The following ZDHHC24 variants were observed in gnomAD, a reference collection of about 807,000 sequenced individuals.
ZDHHC24 encodes probable palmitoyltransferase ZDHHC24.
A neutral mutation model predicts 23.2 loss-of-function variants in ZDHHC24; 17 were observed. The observed-to-expected ratio is 0.73, with a 90% CI of 0.50 to 1.10. The LOEUF (loss-of-function observed/expected upper bound fraction) is 1.10, where lower values mean the gene tolerates loss of function less well. Among genes scored for constraint, ZDHHC24 ranks in the 50% least tolerant of loss-of-function variants. The pLI is 0.00. For synonymous variants in ZDHHC24, 186 were observed against 194.5 expected, an observed-to-expected ratio of 0.96 and a Z score of 0.36; for missense variants, 366 against 393.0, an observed-to-expected ratio of 0.93 and a Z score of 0.58.
At chr11:66,527,059 C>A in intron 3 of ZDHHC24, 1 of 1,520,446 alleles carries the variant, frequency 6.6e-7, no homozygotes, top group Non-Finnish European at 8.8e-7. Flanking sequence ...CAGTCACTTC[C>A]AAACGCAGGA....
rs1456137966 is a variant in ZDHHC24, at chr11:66,543,898, T to C, written c.365A>G (p.His122Arg). The C allele has an allele frequency of 6.2e-7, 1 of 1,613,874 alleles. No individual in the cohort carries two copies. The highest frequency in any genetic ancestry group is 8.5e-7 in the Non-Finnish European group (1 of 1,179,922). Residue 122 changes from histidine (H) to arginine (R), a missense_variant, in exon 2 of 3, where the codon CAC becomes CGC. By Grantham distance (29) the His-to-Arg change is conservative (BLOSUM62 0). Transcript: ENST00000310442. ...GCAGCGGCCCAGCAGGCGGCAGTGG[T>C]GGTCCCGACGCAGGATGCAGACGCG... is the stretch of plus-strand genomic sequence containing the variant. Reference protein sequence around the residue: ...ACRVCILRRDHHCRLLGRCVG... With the variant: ...ACRVCILRRDRHCRLLGRCVG...
chr11:66,529,448 C>A (rs544080564), exon 3 of ZDHHC24: 5 of 822,176 alleles, frequency 6.1e-6, no homozygotes, highest in East Asian at 5.3e-5. Flanking sequence ...ACCAAGGACT[C>A]CTCTTTGTGG....
downstream of ZDHHC24, among the ~76,000 whole-genome samples, chr11:66,534,529 G>A (rs1169693831): frequency 1.3e-5 from 2 of 149,710 alleles, no homozygotes; most frequent in East Asian, 3.9e-4. Flanking sequence ...CGGGTATAGT[G>A]GTTCACACTT....
At position 66,527,132 on chromosome 11, in the gene ZDHHC24, T is replaced by G. The variant is rs565964475; in HGVS notation, c.737-126A>C. 47 of 973,088 alleles carry G rather than the reference T, an allele frequency of 4.8e-5. No individual in the cohort carries two copies. In the African/African-American group the frequency reaches 6.1e-4, roughly 13 times the overall value. 60.3% of individuals were successfully genotyped at this position (973,088 alleles called of 1,614,324 possible). On this transcript the variant is annotated intron_variant, in intron 3 of 4. Coordinates refer to the ZDHHC24 transcript ENST00000526986. Reference sequence around the variant, plus strand: ...TGGCTCACGCCTGTAATCCCAACACTTTGGCAGAGGTGGGAGGACAGCATG... The same window carrying G: ...TGGCTCACGCCTGTAATCCCAACACGTTGGCAGAGGTGGGAGGACAGCATG...
Position 66,526,678 on chromosome 11 carries a change from C to A in ZDHHC24, c.*21+258G>T, listed in dbSNP as rs2134812288. On this transcript the variant is annotated intron_variant, in intron 4 of 4. Coordinates refer to the ZDHHC24 transcript ENST00000526986. The stretch of plus-strand genomic sequence containing the variant: ...TGGCCTGATCATCAAGATCCTGAAG[C>A]GTACAGCAGTGTTTGTAGAGGGAGG... 1 of 1,614,192 alleles carries A rather than the reference C, an allele frequency of 6.2e-7. No individual in the cohort carries two copies. The highest frequency in any genetic ancestry group is 8.5e-7 in the Non-Finnish European group (1 of 1,180,038).
chr11:66,530,953 C>G (rs112953332), downstream of ZDHHC24: 6 of 1,614,250 alleles, frequency 3.7e-6, no homozygotes, highest in Admixed American at 1.0e-4. Flanking sequence ...CCTCAACAAC[C>G]CGTCCTGTCC....
chr11:66,544,259 G>A (rs528326389), intron 1 of ZDHHC24, among the ~76,000 whole-genome samples: 10 of 152,058 alleles, frequency 6.6e-5, no homozygotes, highest in South Asian at 4.2e-4. Context: ...CTTCCTCCAC[G>A]GTCACCCCTT....
chr11:66,533,840 G>A (rs1856873740), downstream of ZDHHC24, among the ~76,000 whole-genome samples: 1 of 152,182 alleles, frequency 6.6e-6, no homozygotes, highest in Admixed American at 6.5e-5. Flanking sequence ...ACCCTCATTT[G>A]GTGAAACATA....
At chr11:66,531,359 C>T (rs914087408), downstream of ZDHHC24, among the ~76,000 whole-genome samples, 1 of 152,160 alleles carries the variant, frequency 6.6e-6, no homozygotes, top group African/African-American at 2.4e-5. Context: ...GCCTGGTTTT[C>T]CCCCAGGGCC....
chr11:66,526,008 C>A, intron 4 of ZDHHC24: 1 of 877,810 alleles, frequency 1.1e-6, no homozygotes, highest in Non-Finnish European at 1.9e-6. Context: ...AGCGATTCCC[C>A]AGGCCTGTCT....
downstream of ZDHHC24, chr11:66,532,069 T>A (rs374544695): frequency 6.3e-7 from 1 of 1,576,460 alleles, no homozygotes; most frequent in Non-Finnish European, 8.6e-7. Context: ...CCCTGCACAA[T>A]CAGCCAGGGA....
rs1590799277 is a variant in ZDHHC24 at position 66,545,669 on chromosome 11, T to A, written c.281+54A>T. 5 of 1,431,362 alleles carry A rather than the reference T, an allele frequency of 3.5e-6. No homozygotes were observed. In the East Asian group the frequency reaches 1.1e-4, roughly 32 times the overall value. 88.7% of individuals were successfully genotyped at this position (1,431,362 alleles called of 1,614,324 possible). ...CTAACATCTCAGGTCTTGGGGCCCC[T>A]CCCCCCTGTCCAAGGCTCCCACTTC... On this transcript the variant is annotated intron_variant, in intron 1 of 2. Transcript: ENST00000310442. This position sits in a 1 kb window ranked among gnomAD's most constrained non-coding sequence, Gnocchi z 4.5.
downstream of ZDHHC24, among the ~76,000 whole-genome samples, chr11:66,534,754 G>C (rs1223463628): frequency 6.6e-6 from 1 of 151,628 alleles, no homozygotes; most frequent in African/African-American, 2.4e-5. Context: ...GGAGTGCAGT[G>C]GCGCGGTCTC....
At chr11:66,531,665 CT>C, downstream of ZDHHC24, 1 of 1,614,136 alleles carries the variant, frequency 6.2e-7, no homozygotes. Flanking sequence ...GGTACCCTTG[CT>C]GGTGCCAGGG....
At chr11:66,540,070 C>T (rs948325649) in intron 2 of ZDHHC24, among the ~76,000 whole-genome samples, 2 of 152,154 alleles carry the variant, frequency 1.3e-5, no homozygotes, top group Non-Finnish European at 2.9e-5. Flanking sequence ...GCCCTGGAGG[C>T]GGTGCCAGGC....
chr11:66,538,996 C>T lies in ZDHHC24; in HGVS notation c.*533G>A, dbSNP rs1857065597. On this transcript the variant is annotated 3_prime_UTR_variant, in exon 3 of 3. Coordinates refer to ENST00000310442, the MANE Select transcript of ZDHHC24 (RefSeq NM_207340.3). Reference sequence around the variant, plus strand: ...GGACCAGGTTAGCTAAGAGAGGTTCCATGAAACTGCTGTTGCAGAAATGCT... The same window carrying T: ...GGACCAGGTTAGCTAAGAGAGGTTCTATGAAACTGCTGTTGCAGAAATGCT... The T allele has an allele frequency of 6.5e-6, 1 of 153,888 alleles. No individual in the cohort carries two copies. Among genetic ancestry groups the T allele is most frequent in the Admixed American group, 6.5e-5 (1 of 15,274 alleles). 9.5% of individuals were successfully genotyped at this position (153,888 alleles called of 1,614,324 possible).
Position 66,545,356 on chromosome 11 carries a change from T to C in ZDHHC24, c.281+367A>G, listed in dbSNP as rs1857282797. Reference sequence around the variant, plus strand: ...ACCCGGCCTAACCACCTATTTAATATTGAAACTTGCAACCCCTTTACCCTG... The same window carrying C: ...ACCCGGCCTAACCACCTATTTAATACTGAAACTTGCAACCCCTTTACCCTG... On this transcript the variant is annotated intron_variant, in intron 1 of 2. Coordinates refer to ENST00000310442, the MANE Select transcript of ZDHHC24 (RefSeq NM_207340.3). The surrounding 1 kb of genome is among the most constrained non-coding windows in gnomAD (Gnocchi z 4.5). Among the ~76,000 whole-genome samples, 1 of 152,182 alleles carries C rather than the reference T, an allele frequency of 6.6e-6. No individual in the cohort carries two copies. Among genetic ancestry groups the C allele is most frequent in the Non-Finnish European group, 1.5e-5 (1 of 68,046 alleles).
downstream of ZDHHC24, among the ~76,000 whole-genome samples, chr11:66,531,257 A>G (rs112490787): frequency 2.0e-5 from 3 of 152,282 alleles, no homozygotes; most frequent in African/African-American, 7.2e-5. Flanking sequence ...AGGGGTCTCC[A>G]CGAGCCATAC....
chr11:66,543,697 T>C lies in ZDHHC24; in HGVS notation c.559+7A>G. ...GCCTCTGTGCAGAGGCCTCCCAGGC[T>C]CCCCACCTGTGAGCAACATGAGCCA... On this transcript the variant is annotated splice_region_variant and intron_variant, in intron 2 of 2. Coordinates refer to ENST00000310442, the MANE Select transcript of ZDHHC24 (RefSeq NM_207340.3). 6.4e-7 allele frequency: 1 copy of C among 1,569,190 alleles called. No individual in the cohort carries two copies. Among genetic ancestry groups the C allele is most frequent in the Non-Finnish European group, 8.6e-7 (1 of 1,156,968 alleles).
Sources: gnomAD v4.1 joint callset for allele counts (sites outside exome capture counted in the v4.1 genomes callset) on GRCh38, gnomAD v4.1.1 for gene constraint, Gnocchi (gnomAD v3.1) non-coding constraint, MANE v1.5 for transcripts, NCBI Gene and HGNC (gene_info 2026-07-23, HGNC 2026-07-21) for gene names.